Variants in ANKRD44 observed in about 807,000 individuals in gnomAD.
ANKRD44 encodes ankyrin repeat domain 44.
In ANKRD44, 35 loss-of-function variants were observed where a neutral mutation model predicts 116.0. That is an observed-to-expected ratio of 0.30 (90% confidence interval 0.23 to 0.40). ANKRD44 has a LOEUF of 0.40. Among genes scored for constraint, ANKRD44 ranks in the 10% least tolerant of loss-of-function variants. The pLI, the probability that ANKRD44 is intolerant of heterozygous loss-of-function variation, is 1.00. For missense variants in ANKRD44, 1,014 were observed against 1,242.6 expected (o/e 0.82, Z 2.77); for synonymous variants, 435 against 461.8 (o/e 0.94, Z 0.74).
At chr2:196,974,459 T>C (rs1235163795) in intron 21 of ANKRD44, among the ~76,000 whole-genome samples, 2 of 152,034 alleles carry the variant, frequency 1.3e-5, no homozygotes, top group South Asian at 2.1e-4. Context: ...TTGAGAACAA[T>C]GAAAATGAAA....
intron 1 of ANKRD44, among the ~76,000 whole-genome samples, chr2:197,229,707 T>G (rs914015204): frequency 5.9e-5 from 9 of 152,204 alleles, no homozygotes; most frequent in African/African-American, 2.2e-4. Context: ...GGTACTGTTC[T>G]TGTTCCTGAA....
In ANKRD44 at chr2:197,025,252, T is replaced by C. The variant is rs746628678; in HGVS notation, c.1666A>G (p.Asn556Asp). Residue 556 changes from asparagine (N) to aspartate (D), a missense_variant, in exon 17 of 28, where the codon AAC becomes GAC. Physicochemically the swap from Asn to Asp is conservative, Grantham distance 23. Coordinates refer to ENST00000282272, the MANE Select transcript of ANKRD44 (RefSeq NM_001195144.2). ...QCLELLLERT[N>D]SGFEESDSGA... Reference sequence around the variant, plus strand: ...GAATCTGATTCTTCAAATCCACTGTTTGTTCTTTCCAAAAGCTGTGGAGAC... The same window carrying C: ...GAATCTGATTCTTCAAATCCACTGTCTGTTCTTTCCAAAAGCTGTGGAGAC... 16 of 1,611,238 alleles carry C rather than the reference T, an allele frequency of 9.9e-6. 1 individual carries two copies. In the Admixed American group the frequency reaches 2.3e-4, roughly 24 times the overall value.
chr2:197,042,092 T>G (rs2076920873), intron 16 of ANKRD44, among the ~76,000 whole-genome samples: 1 of 152,240 alleles, frequency 6.6e-6, no homozygotes, highest in Non-Finnish European at 1.5e-5. Flanking sequence ...CTTTATCTTC[T>G]TTTAATGTAA....
chr2:197,217,689 C>T (rs2081481977), intron 1 of ANKRD44, among the ~76,000 whole-genome samples: 1 of 152,202 alleles, frequency 6.6e-6, no homozygotes, highest in African/African-American at 2.4e-5. Context: ...TCTGCTCTTT[C>T]TCAAGGAACA....
chr2:197,132,177 A>G (rs1176369745), intron 4 of ANKRD44, among the ~76,000 whole-genome samples: 2 of 152,206 alleles, frequency 1.3e-5, no homozygotes, highest in Admixed American at 6.5e-5. Flanking sequence ...TTGGGCTCCA[A>G]GCTGTTTCCA....
intron 2 of ANKRD44, among the ~76,000 whole-genome samples, chr2:197,154,174 CTTTTTTTTTTTTT>C (rs1034922629): frequency 2.8e-5 from 3 of 106,842 alleles, no homozygotes; most frequent in African/African-American, 3.8e-5. Flanking sequence ...TATCGGCTTT[CTTTTTTTTTTTTT>C]TTTTTTTTTT....
chr2:196,981,396 A>G (rs2075800086), intron 21 of ANKRD44, among the ~76,000 whole-genome samples: 1 of 152,228 alleles, frequency 6.6e-6, no homozygotes, highest in Non-Finnish European at 1.5e-5. Flanking sequence ...AAAATCCACC[A>G]GGATGACTGG....
At chr2:197,268,129 C>T (rs2082789255) in intron 1 of ANKRD44, among the ~76,000 whole-genome samples, 1 of 152,220 alleles carries the variant, frequency 6.6e-6, no homozygotes, top group South Asian at 2.1e-4. Context: ...TTCACCATGG[C>T]CCAAGGGCAT....
chr2:197,160,459 T>G (rs376254249), intron 2 of ANKRD44, among the ~76,000 whole-genome samples: 2 of 152,138 alleles, frequency 1.3e-5, no homozygotes, highest in African/African-American at 4.8e-5. Context: ...AGCCAGCCAA[T>G]AGCAGTGCTT....
Position 196,998,421 on chromosome 2 carries a change from T to C in ANKRD44, c.2666-2A>G. On this transcript the variant is annotated splice_acceptor_variant, in intron 24 of 27. Coordinates refer to ENST00000282272, the MANE Select transcript of ANKRD44 (RefSeq NM_001195144.2). LOFTEE classifies it high-confidence loss of function. ...CCTGGGCACTGTTCACCAAAATATC[T>C]GTAGAAAAAGCCCAAAAGAGGGTTA... The C allele has an allele frequency of 1.2e-6, 2 of 1,612,988 alleles. No homozygotes were observed. Among genetic ancestry groups the C allele is most frequent in the South Asian group, 1.1e-5 (1 of 90,912 alleles).
rs1200412998 is a variant in ANKRD44, at chr2:197,181,241, TA to T, written c.111+5781del. Among the ~76,000 whole-genome samples the T allele has an allele frequency of 3.3e-5, 5 of 152,156 alleles. No individual in the cohort carries two copies. In the East Asian group the frequency reaches 7.7e-4, roughly 23 times the overall value. On this transcript the variant is annotated intron_variant, in intron 2 of 27. Transcript: ENST00000282272. ...TTTACAAAAAAAATTTTTTATAAAG[TA>T]GATGGATTAAAATGATCAACTTGGG...
chr2:197,026,896 T>C (rs2076605864), intron 16 of ANKRD44, among the ~76,000 whole-genome samples: 2 of 151,898 alleles, frequency 1.3e-5, no homozygotes, highest in Admixed American at 6.6e-5. Context: ...AATATGAATG[T>C]AAGAGAAAGA....
chr2:197,297,880 G>A lies in ANKRD44; in HGVS notation c.27+12698C>T, dbSNP rs2083770712. Among the ~76,000 whole-genome samples the A allele has an allele frequency of 1.3e-5, 2 of 152,178 alleles. 1 individual carries two copies. The highest frequency in any genetic ancestry group is 3.8e-4 in the East Asian group (2 of 5,202). On this transcript the variant is annotated intron_variant, in intron 1 of 27. Coordinates refer to ENST00000282272, the MANE Select transcript of ANKRD44 (RefSeq NM_001195144.2). ...ATTGCACTCATCTCATGAGCCCCAAGACCTAATTATACTAAGGCTCCAAAG... is the reference window on the plus strand; with the variant it reads ...ATTGCACTCATCTCATGAGCCCCAAAACCTAATTATACTAAGGCTCCAAAG...
intron 21 of ANKRD44, among the ~76,000 whole-genome samples, chr2:196,979,207 T>C (rs1469105891): frequency 6.6e-6 from 1 of 151,776 alleles, no homozygotes; most frequent in East Asian, 1.9e-4. Context: ...CCATCCTGGC[T>C]AACACGGTGA....
At chr2:197,012,215 C>T (rs2076313451) in intron 18 of ANKRD44, among the ~76,000 whole-genome samples, 1 of 152,208 alleles carries the variant, frequency 6.6e-6, no homozygotes, top group African/African-American at 2.4e-5. Context: ...TCCAAGCTGA[C>T]TGAGTCTTCT....
chr2:197,116,741 C>T (rs532358975), intron 8 of ANKRD44, among the ~76,000 whole-genome samples: 29 of 152,280 alleles, frequency 1.9e-4, no homozygotes, highest in African/African-American at 6.7e-4. Context: ...CAACAATCAC[C>T]TTTACATGAA....
chr2:197,044,896 G>A (rs188567067), intron 16 of ANKRD44, among the ~76,000 whole-genome samples: 9 of 152,064 alleles, frequency 5.9e-5, no homozygotes, highest in East Asian at 3.9e-4. Flanking sequence ...CTTAATTTCC[G>A]CATTTATTCA....
Position 197,106,920 on chromosome 2 carries a change from T to A in ANKRD44, c.985+3846A>T, listed in dbSNP as rs551820743. ...AAACAGCACCTCTAGATAAGTGCAT[T>A]TCTATCTTACAATTACTCCACAAAC... On this transcript the variant is annotated intron_variant, in intron 9 of 27. Coordinates refer to ENST00000282272, the MANE Select transcript of ANKRD44 (RefSeq NM_001195144.2). 2.7e-4 allele frequency among the ~76,000 whole-genome samples: 41 copies of A among 152,148 alleles called. No homozygotes were observed. In the South Asian group the frequency reaches 8.5e-3, roughly 32 times the overall value.
At chr2:197,291,215 A>G (rs909661493) in intron 1 of ANKRD44, among the ~76,000 whole-genome samples, 1 of 152,010 alleles carries the variant, frequency 6.6e-6, no homozygotes, top group Admixed American at 6.6e-5. Context: ...TCCCTAAAAA[A>G]TAAATAAGAT....
Sources: allele counts gnomAD v4.1 joint callset (sites outside exome capture counted in the v4.1 genomes callset), GRCh38; gene constraint gnomAD v4.1.1; transcripts MANE v1.5; gene names NCBI Gene and HGNC (gene_info 2026-07-23, HGNC 2026-07-21).